FYTTD1: variants seen among roughly 807,000 people sequenced by gnomAD.
FYTTD1 encodes the protein UAP56-interacting factor.
Under a neutral mutation model 40.9 loss-of-function variants are expected in FYTTD1, and 22 were observed. The observed-to-expected ratio is 0.54, with a 90% confidence interval of 0.38 to 0.77. The LOEUF (loss-of-function observed/expected upper bound fraction) is 0.77. Ranked by LOEUF, FYTTD1 falls within the 30% of genes least tolerant of loss-of-function variation. FYTTD1 has a pLI of 0.00. For synonymous variants in FYTTD1, 140 were observed against 137.9 expected, an observed-to-expected ratio of 1.01 and a Z score of -0.10; for missense variants, 351 against 392.2, an observed-to-expected ratio of 0.90 and a Z score of 0.89.
At chr3:197,776,852 T>A (rs1438397405) in intron 6 of FYTTD1, 75 bp from the exon 7 acceptor site, 1 of 972,732 alleles carries the variant, frequency 1.0e-6, no homozygotes, top group Non-Finnish European at 1.6e-6. Flanking sequence ...CTTTTAATGT[T>A]CATTTTTATT....
chr3:197,773,089 T>C (rs1219612686), intron 4 of FYTTD1, among the ~76,000 whole-genome samples: 1 of 152,226 alleles, frequency 6.6e-6, no homozygotes, highest in Non-Finnish European at 1.5e-5. Flanking sequence ...AAGTTATGTT[T>C]TCACCAAATA....
At chr3:197,763,737 A>C (rs1247359562) in intron 2 of FYTTD1, 1 of 189,750 alleles carries the variant, frequency 5.3e-6, no homozygotes, top group African/African-American at 2.4e-5. Context: ...TAATATGATT[A>C]CATATACTGT....
At chr3:197,758,688 G>A (rs919896829) in intron 2 of FYTTD1, among the ~76,000 whole-genome samples, 2 of 152,204 alleles carry the variant, frequency 1.3e-5, no homozygotes, top group African/African-American at 4.8e-5. Flanking sequence ...GCTTGCCCTT[G>A]TATGTTTATT....
rs1730113950 is a variant in FYTTD1 at position 197,784,663 on chromosome 3, T to G, written c.*2754T>G. ...AGACATTAGCTGGTGTGGTGACATG[T>G]GCCTGTGGTCCCAGCTACTTGGGAG... On this transcript the variant is annotated 3_prime_UTR_variant, in exon 9 of 9. Transcript: ENST00000241502. 6.6e-6 allele frequency: 1 copy of G among 152,228 alleles called. No homozygotes were observed. The highest frequency in any genetic ancestry group is 6.5e-5 in the Admixed American group (1 of 15,282). 9.4% of individuals were successfully genotyped at this position (152,228 alleles called of 1,614,324 possible).
rs535414180 is a variant in FYTTD1, at chr3:197,785,831, AATTATTATT to A, written c.*3935_*3943del. On this transcript the variant is annotated 3_prime_UTR_variant, in exon 9 of 9. Transcript: ENST00000241502. ...CAGTAGTGCTTTCAGTTTTCATCAG[AATTATTATT>A]ATTATTATTATTTTGCCACTGTGAA... 6 of 151,436 alleles carry A rather than the reference AATTATTATT, an allele frequency of 4.0e-5. No homozygotes were observed. Among genetic ancestry groups the A allele is most frequent in the Non-Finnish European group, 7.4e-5 (5 of 67,844 alleles). The allele number at this position is 151,436 out of a possible 1,614,324, so 9.4% of individuals were successfully genotyped here.
intron 2 of FYTTD1, 111 bp downstream of exon 2, chr3:197,756,668 G>A: frequency 2.9e-6 from 3 of 1,031,344 alleles, no homozygotes; most frequent in Non-Finnish European, 4.4e-6. Flanking sequence ...TTTGTGTTTT[G>A]TGTTTCCTCT....
intron 2 of FYTTD1, among the ~76,000 whole-genome samples, chr3:197,762,350 G>A (rs991418673): frequency 6.8e-6 from 1 of 147,122 alleles, no homozygotes; most frequent in African/African-American, 2.7e-5. Context: ...CAGCACTTTG[G>A]GAGGCCGAGA....
At chr3:197,760,414 A>T (rs1729346193) in intron 2 of FYTTD1, among the ~76,000 whole-genome samples, 1 of 151,976 alleles carries the variant, frequency 6.6e-6, no homozygotes, top group African/African-American at 2.4e-5. Flanking sequence ...GGTAGAATGT[A>T]TAGAGTTGTT....
chr3:197,754,651 G>GT (rs1171766691), intron 1 of FYTTD1, among the ~76,000 whole-genome samples: 82 of 142,184 alleles, frequency 5.8e-4, no homozygotes, highest in South Asian at 1.3e-3. Context: ...ATGTTTGTGG[G>GT]TTTTTTTTTT....
chr3:197,779,166 G>C (rs1425782849), intron 8 of FYTTD1, among the ~76,000 whole-genome samples: 1 of 152,208 alleles, frequency 6.6e-6, no homozygotes, highest in Non-Finnish European at 1.5e-5. Flanking sequence ...TGTAATCCCA[G>C]CACTTTGGGA....
Position 197,752,254 on chromosome 3 carries a change from C to T in FYTTD1, c.103+2180C>T, listed in dbSNP as rs1288691317. Among the ~76,000 whole-genome samples the T allele has an allele frequency of 2.0e-5, 3 of 152,354 alleles. No homozygotes were observed. In the South Asian group the frequency reaches 6.2e-4, roughly 32 times the overall value. On this transcript the variant is annotated intron_variant, in intron 1 of 8. Coordinates refer to ENST00000241502, the MANE Select transcript of FYTTD1 (RefSeq NM_032288.7). ...TGACAGCATGGAATCCAGATCCACA[C>T]TGTCTCCTTTCAGGTCCTGCCTCTG...
At chr3:197,762,485 A>C (rs997288359) in intron 2 of FYTTD1, among the ~76,000 whole-genome samples, 1 of 152,044 alleles carries the variant, frequency 6.6e-6, no homozygotes, top group African/African-American at 2.4e-5. Flanking sequence ...GCTACTCGGG[A>C]GGCTGAGGCA....
intron 4 of FYTTD1, 106 bp from the exon 5 acceptor site, chr3:197,773,297 C>G: frequency 6.2e-6 from 4 of 644,886 alleles, no homozygotes; most frequent in Non-Finnish European, 1.1e-5. Flanking sequence ...TTGTTTCTTG[C>G]ACCTCATGTT....
chr3:197,754,329 G>C (rs572611985), intron 1 of FYTTD1, among the ~76,000 whole-genome samples: 80 of 152,124 alleles, frequency 5.3e-4, no homozygotes, highest in African/African-American at 1.9e-3. Flanking sequence ...GAACTTTTTC[G>C]TAGTTGGACA....
chr3:197,783,329 G>T lies in FYTTD1; in HGVS notation c.*1420G>T, dbSNP rs1299476461. On this transcript the variant is annotated 3_prime_UTR_variant, in exon 9 of 9. Transcript: ENST00000241502. Reference sequence around the variant, plus strand: ...TTAGTTTCTCAGGAGTAGATTGTTAGTGTTGACTTTTCCTGTAAAGCAGAC... The same window carrying T: ...TTAGTTTCTCAGGAGTAGATTGTTATTGTTGACTTTTCCTGTAAAGCAGAC... 6.6e-6 allele frequency: 1 copy of T among 152,586 alleles called. No individual in the cohort carries two copies. The highest frequency in any genetic ancestry group is 6.5e-5 in the Admixed American group (1 of 15,272). The allele number at this position is 152,586 out of a possible 1,614,324, so 9.5% of individuals were successfully genotyped here. A position where few individuals can be genotyped will look rare whatever the true frequency, so the allele number is the denominator to read the frequency against.
chr3:197,778,298 A>T lies in FYTTD1; in HGVS notation c.732-40A>T, dbSNP rs753615971. ...ACCAAGTGAATTTATTTTTCTTTTC[A>T]TTGTTAAGCTGCTCTGATATTTTAA... On this transcript the variant is annotated intron_variant, in intron 7 of 8. Transcript: ENST00000241502. The T allele has an allele frequency of 8.6e-6, 13 of 1,505,548 alleles. No individual in the cohort carries two copies. In the Admixed American group the frequency reaches 2.3e-4, roughly 27 times the overall value. The allele number at this position is 1,505,548 out of a possible 1,614,324, so 93.3% of individuals were successfully genotyped here.
chr3:197,767,696 T>A (rs1729592794), intron 2 of FYTTD1, among the ~76,000 whole-genome samples: 1 of 151,860 alleles, frequency 6.6e-6, no homozygotes, highest in Non-Finnish European at 1.5e-5. Context: ...TCAAGGGATC[T>A]TCTTCCCTTG....
intron 2 of FYTTD1, among the ~76,000 whole-genome samples, chr3:197,766,853 T>G (rs1729565677): frequency 6.6e-6 from 1 of 152,174 alleles, no homozygotes; most frequent in South Asian, 2.1e-4. Context: ...ACTATAAAAT[T>G]GAGAATTACT....
At chr3:197,766,245 A>G (rs889289640) in intron 2 of FYTTD1, among the ~76,000 whole-genome samples, 9 of 152,056 alleles carry the variant, frequency 5.9e-5, no homozygotes, top group Middle Eastern at 3.4e-3. Flanking sequence ...GAAAATAATC[A>G]TGGATGTGTT....
Sources: allele counts gnomAD v4.1 joint callset (sites outside exome capture counted in the v4.1 genomes callset), GRCh38; gene constraint gnomAD v4.1.1; transcripts MANE v1.5; gene names NCBI Gene and HGNC (gene_info 2026-07-23, HGNC 2026-07-21).